The following WDFY4 variants were observed in gnomAD, a reference collection of about 807,000 sequenced individuals.
WDFY4 encodes the protein WD repeat- and FYVE domain-containing protein 4.
A neutral mutation model predicts 351.9 loss-of-function variants in WDFY4; 169 were observed. The observed-to-expected ratio is 0.48, with a 90% confidence interval of 0.42 to 0.55. The LOEUF (loss-of-function observed/expected upper bound fraction) is 0.55. WDFY4 is among the 20% of genes least tolerant of loss of function. The pLI, the probability that WDFY4 is intolerant of heterozygous loss-of-function variation, is 0.00. For missense variants in WDFY4, 3,803 were observed against 3,935.6 expected (o/e 0.97, Z 0.90); for synonymous variants, 1,622 against 1,574.6 (o/e 1.03, Z -0.71).
At chr10:48,729,348 G>C in intron 7 of WDFY4, 84 bp from the exon 8 acceptor site, 1 of 1,506,850 alleles carries the variant, frequency 6.6e-7, no homozygotes, top group Non-Finnish European at 8.9e-7. Flanking sequence ...ATCCCCATTG[G>C]CTCTGTCTCC....
At chr10:48,822,740 G>A (rs1244921267) in intron 35 of WDFY4, among the ~76,000 whole-genome samples, 1 of 152,204 alleles carries the variant, frequency 6.6e-6, no homozygotes, top group Non-Finnish European at 1.5e-5. Context: ...GGCCCCCTGA[G>A]CCCAGTCCCA....
chr10:48,697,932 C>T (rs1243123695), intron 1 of WDFY4, among the ~76,000 whole-genome samples: 5 of 152,184 alleles, frequency 3.3e-5, no homozygotes, highest in Non-Finnish European at 7.3e-5. Context: ...CAGCTTGCTT[C>T]CTGCCTGGCC....
At chr10:48,796,011 A>G (rs1307109592) in intron 23 of WDFY4, among the ~76,000 whole-genome samples, 1 of 152,188 alleles carries the variant, frequency 6.6e-6, no homozygotes, top group Non-Finnish European at 1.5e-5. Flanking sequence ...ACCCAGTAAC[A>G]GAAAATGAGA....
chr10:48,762,837 A>T (rs1565170637), intron 13 of WDFY4, among the ~76,000 whole-genome samples: 1 of 152,192 alleles, frequency 6.6e-6, no homozygotes, highest in Non-Finnish European at 1.5e-5. Flanking sequence ...CCTGCCAAGG[A>T]CTTAGGCCCA....
intron 40 of WDFY4, among the ~76,000 whole-genome samples, chr10:48,868,628 T>C (rs1405248916): frequency 6.6e-6 from 1 of 152,206 alleles, no homozygotes; most frequent in Non-Finnish European, 1.5e-5. Context: ...TAAATTTAAT[T>C]GCCACTGAGG....
At chr10:48,723,662 G>GCC in intron 5 of WDFY4, 95 bp downstream of exon 5, 9 of 1,491,884 alleles carry the variant, frequency 6.0e-6, no homozygotes, top group Non-Finnish European at 8.1e-6. Flanking sequence ...GTCTTTCTCA[G>GCC]CCCTGGTTCC....
chr10:48,847,722 G>C (rs2068824642), intron 39 of WDFY4, among the ~76,000 whole-genome samples: 2 of 152,200 alleles, frequency 1.3e-5, no homozygotes, highest in South Asian at 2.1e-4. Context: ...CCTTGAGAAG[G>C]CATGGTGCCT....
intron 39 of WDFY4, among the ~76,000 whole-genome samples, chr10:48,844,942 A>G (rs1157112109): frequency 3.3e-5 from 5 of 152,192 alleles, no homozygotes; most frequent in Admixed American, 2.0e-4. Flanking sequence ...TTACCTTGTG[A>G]TGGCTGTAGG....
intron 57 of WDFY4, among the ~76,000 whole-genome samples, chr10:48,973,961 TC>T (rs902532223): frequency 2.0e-5 from 3 of 152,190 alleles, no homozygotes; most frequent in African/African-American, 7.2e-5. Context: ...CTTTTCTTCT[TC>T]CCAGTTTAGT....
At chr10:48,793,642 G>T (rs2066755039) in intron 23 of WDFY4, among the ~76,000 whole-genome samples, 1 of 152,132 alleles carries the variant, frequency 6.6e-6, no homozygotes, top group African/African-American at 2.4e-5. Context: ...GTTTGTGTCT[G>T]TTTCACCCCC....
intron 2 of WDFY4, among the ~76,000 whole-genome samples, chr10:48,717,229 G>A (rs1407791612): frequency 1.3e-5 from 2 of 152,160 alleles, no homozygotes; most frequent in African/African-American, 2.4e-5. Context: ...ACTGTGTATC[G>A]TGGGTTTCAT....
At chr10:48,816,957 G>A (rs972030360) in intron 31 of WDFY4, among the ~76,000 whole-genome samples, 7 of 152,168 alleles carry the variant, frequency 4.6e-5, no homozygotes, top group Non-Finnish European at 1.0e-4. Context: ...AAAATAAAAG[G>A]CAGAAACTTA....
At chr10:48,800,070 G>T (rs2067011631) in intron 24 of WDFY4, among the ~76,000 whole-genome samples, 1 of 152,118 alleles carries the variant, frequency 6.6e-6, no homozygotes, top group Admixed American at 6.5e-5. Flanking sequence ...ATTTGTAGTA[G>T]AGACGGGGTT....
At chr10:48,876,603 G>GA (rs71465485) in intron 42 of WDFY4, among the ~76,000 whole-genome samples, 10 of 151,948 alleles carry the variant, frequency 6.6e-5, no homozygotes, top group Non-Finnish European at 5.9e-5. Context: ...TCTTTTCCAA[G>GA]TTTTTTTTAC....
intron 47 of WDFY4, among the ~76,000 whole-genome samples, chr10:48,923,506 A>ATATATATATATATATGTATG (rs143983467): frequency 0.044 from 5,048 of 115,014 alleles, 638 homozygotes; most frequent in Middle Eastern, 0.085. Flanking sequence ...GTATATATAT[A>ATATATATATATATATGTATG]TATATATGTC....
chr10:48,970,332 G>C (rs4838661), intron 57 of WDFY4, 43 bp downstream of exon 57: 29,765 of 1,537,470 alleles, frequency 0.019, 570 homozygotes, highest in South Asian at 0.076. Context: ...GGTGGGGACA[G>C]TACTTCATGT....
intron 1 of WDFY4, among the ~76,000 whole-genome samples, chr10:48,705,004 G>C (rs1016778926): frequency 6.6e-6 from 1 of 152,188 alleles, no homozygotes; most frequent in Non-Finnish European, 1.5e-5. Context: ...TGAGGACCAT[G>C]AGGCAGGGAT....
In WDFY4 at chr10:48,840,038, A is replaced by C. The variant is rs538900732; in HGVS notation, c.6663+7329A>C. On this transcript the variant is annotated intron_variant, in intron 39 of 61. Coordinates refer to ENST00000325239, the MANE Select transcript of WDFY4 (RefSeq NM_001394531.1). ...TCTTCATCGTACTGTCTGGGCTAGG[A>C]ATATTTCCAGACGGGATATCCATTA... Among the ~76,000 whole-genome samples, 152 of 152,304 alleles carry C rather than the reference A, an allele frequency of 1.0e-3. 1 individual carries two copies. The highest frequency in any genetic ancestry group is 1.8e-3 in the Admixed American group (27 of 15,304).
chr10:48,724,343 G>A (rs113031671), intron 5 of WDFY4, among the ~76,000 whole-genome samples: 3,123 of 152,166 alleles, frequency 0.021, 98 homozygotes, highest in African/African-American at 0.069. Context: ...GTCCACATTG[G>A]CATCCACATT....
Sources: allele counts gnomAD v4.1 joint callset (sites outside exome capture counted in the v4.1 genomes callset), GRCh38; gene constraint gnomAD v4.1.1; transcripts MANE v1.5; gene names NCBI Gene and HGNC (gene_info 2026-07-23, HGNC 2026-07-21).